The following LRRTM3 variants were observed in gnomAD, a reference collection of about 807,000 sequenced individuals.
The protein encoded by LRRTM3 is leucine rich repeat transmembrane neuronal 3.
A neutral mutation model predicts 44.7 loss-of-function variants in LRRTM3; 24 were observed. The ratio of observed to expected loss-of-function variants is 0.54; its 90% confidence interval spans 0.39 to 0.76. The LOEUF (loss-of-function observed/expected upper bound fraction) is 0.76. Among genes scored for constraint, LRRTM3 ranks in the 30% least tolerant of loss-of-function variants. The pLI is 0.00. For missense variants in LRRTM3, 587 were observed against 702.2 expected, an observed-to-expected ratio of 0.84 and a Z score of 1.85; for synonymous variants, 277 against 278.7, an observed-to-expected ratio of 0.99 and a Z score of 0.06.
chr10:67,067,801 G>T (rs934995307), intron 2 of LRRTM3, among the ~76,000 whole-genome samples: 2 of 152,124 alleles, frequency 1.3e-5, no homozygotes, highest in African/African-American at 4.8e-5. Context: ...CTATGTGCTG[G>T]ATACAACAGG....
chr10:67,056,017 T>G (rs74141778), intron 2 of LRRTM3, among the ~76,000 whole-genome samples: 1,616 of 152,226 alleles, frequency 0.011, 36 homozygotes, highest in African/African-American at 0.037. Context: ...TTTTGCCACA[T>G]GTAATATATG....
chr10:66,939,157 A>G (rs1847872162), intron 2 of LRRTM3, among the ~76,000 whole-genome samples: 1 of 152,176 alleles, frequency 6.6e-6, no homozygotes, highest in South Asian at 2.1e-4. Context: ...GAAGCTGACA[A>G]GTAGTAATGC....
At position 66,928,092 on chromosome 10, in the gene LRRTM3, A is replaced by AC; in HGVS notation, c.1181dup (p.Leu395PhefsTer17). 6.2e-7 allele frequency: 1 copy of AC among 1,613,992 alleles called. No homozygotes were observed. ...TCCCCAGGCCGAAGCATGAGAGCAAACCCCCTTTGCCCCCGACGGTGGGAG... is the reference window on the plus strand; with the variant it reads ...TCCCCAGGCCGAAGCATGAGAGCAAACCCCCCTTTGCCCCCGACGGTGGGAG... On this transcript the variant is annotated frameshift_variant, in exon 2 of 3. Coordinates refer to ENST00000361320, the MANE Select transcript of LRRTM3 (RefSeq NM_178011.5). LOFTEE classifies it high-confidence loss of function.
intron 2 of LRRTM3, among the ~76,000 whole-genome samples, chr10:67,066,688 CA>C (rs1432648431): frequency 6.6e-6 from 1 of 152,100 alleles, no homozygotes; most frequent in Non-Finnish European, 1.5e-5. Context: ...AATTGTTAAA[CA>C]AATATTATCC....
rs1858232459 is a variant in LRRTM3 at position 67,099,786 on chromosome 10, G to C, written c.*1990G>C. 6.6e-6 allele frequency: 1 copy of C among 151,832 alleles called. No individual in the cohort carries two copies. Among genetic ancestry groups the C allele is most frequent in the Non-Finnish European group, 1.5e-5 (1 of 67,694 alleles). The allele number at this position is 151,832 out of a possible 1,614,324, so 9.4% of individuals were successfully genotyped here. On this transcript the variant is annotated 3_prime_UTR_variant, in exon 3 of 3. Coordinates refer to ENST00000361320, the MANE Select transcript of LRRTM3 (RefSeq NM_178011.5). The stretch of plus-strand genomic sequence containing the variant: ...AATTATTTGCTCTTCAAAAATTTTT[G>C]TCATTTTAAATCTAATTTTAATCTT...
chr10:67,071,851 A>G (rs1856486776), intron 2 of LRRTM3, among the ~76,000 whole-genome samples: 1 of 152,146 alleles, frequency 6.6e-6, no homozygotes, highest in Non-Finnish European at 1.5e-5. Context: ...AACTTGTATT[A>G]TACTGTGCCC....
chr10:66,955,060 TATC>T (rs1317900524), intron 2 of LRRTM3, among the ~76,000 whole-genome samples: 1 of 152,194 alleles, frequency 6.6e-6, no homozygotes, highest in Non-Finnish European at 1.5e-5. Flanking sequence ...CCAAATTTCT[TATC>T]ATATAATACA....
intron 2 of LRRTM3, among the ~76,000 whole-genome samples, chr10:67,057,031 A>T (rs139151611): frequency 6.6e-6 from 1 of 152,318 alleles, no homozygotes; most frequent in Non-Finnish European, 1.5e-5. Flanking sequence ...TAAGCACTAC[A>T]TCAGCAATTC....
intron 2 of LRRTM3, among the ~76,000 whole-genome samples, chr10:66,972,617 T>G (rs935506019): frequency 3.3e-5 from 5 of 152,060 alleles, no homozygotes; most frequent in African/African-American, 1.2e-4. Flanking sequence ...ATAAAGTGCT[T>G]TTTCTAAGTA....
At chr10:67,038,009 C>T (rs1854170974) in intron 2 of LRRTM3, among the ~76,000 whole-genome samples, 1 of 151,944 alleles carries the variant, frequency 6.6e-6, no homozygotes, top group Non-Finnish European at 1.5e-5. Context: ...TCATGTAAGC[C>T]ATAGGAGACG....
At chr10:66,992,518 G>A (rs987395070) in intron 2 of LRRTM3, among the ~76,000 whole-genome samples, 1 of 150,742 alleles carries the variant, frequency 6.6e-6, no homozygotes, top group East Asian at 2.0e-4. Flanking sequence ...TGTTCTTCCA[G>A]TTTGTGGCTT....
intron 2 of LRRTM3, among the ~76,000 whole-genome samples, chr10:67,028,645 A>G (rs965845266): frequency 2.0e-5 from 1 of 50,390 alleles, no homozygotes; most frequent in Admixed American, 3.4e-4. Context: ...AGCTAGTTCT[A>G]CTTAAAAAAA....
At chr10:67,032,355 T>C (rs942239073) in intron 2 of LRRTM3, among the ~76,000 whole-genome samples, 1 of 152,150 alleles carries the variant, frequency 6.6e-6, no homozygotes, top group Admixed American at 6.5e-5. Context: ...TCAAGTAAAG[T>C]AAATTTGCCT....
intron 2 of LRRTM3, among the ~76,000 whole-genome samples, chr10:66,969,059 A>G (rs1226131831): frequency 6.6e-6 from 1 of 151,990 alleles, no homozygotes; most frequent in Non-Finnish European, 1.5e-5. Context: ...GTAAATATAT[A>G]TATTTACTTT....
At chr10:67,015,543 T>TA (rs1446035404) in intron 2 of LRRTM3, 1 of 152,184 alleles carries the variant, frequency 6.6e-6, no homozygotes, top group Admixed American at 6.5e-5. Flanking sequence ...TTATTCTCCT[T>TA]ACATGTAGCT....
At chr10:67,043,902 A>C (rs1299102625) in intron 2 of LRRTM3, among the ~76,000 whole-genome samples, 1 of 151,226 alleles carries the variant, frequency 6.6e-6, no homozygotes, top group East Asian at 2.0e-4. Flanking sequence ...CAATTGGAGA[A>C]TTTTAATGCA....
At chr10:67,052,881 T>C (rs1425914546) in intron 2 of LRRTM3, among the ~76,000 whole-genome samples, 1 of 152,226 alleles carries the variant, frequency 6.6e-6, no homozygotes, top group Non-Finnish European at 1.5e-5. Flanking sequence ...GTAAGTTTCG[T>C]AAATTCTAAA....
chr10:66,926,188 G>T lies in LRRTM3; in HGVS notation c.-396G>T, dbSNP rs188789794. 1.3e-5 allele frequency: 6 copies of T among 457,354 alleles called. No individual in the cohort carries two copies. The Admixed American group carries it at 1.5e-4, about 11-fold the overall frequency. 28.3% of individuals were successfully genotyped at this position (457,354 alleles called of 1,614,324 possible). On this transcript the variant is annotated 5_prime_UTR_variant, in exon 1 of 3. Transcript: ENST00000361320. ...CTGCTGGGGTATGGAATACAGATGT[G>T]GCAGCTCAGGTAGCCCCAAATTGCC...
Position 66,926,533 on chromosome 10 carries a change from C to G in LRRTM3, c.-51C>G, listed in dbSNP as rs373835317. On this transcript the variant is annotated 5_prime_UTR_variant, in exon 1 of 3. Coordinates refer to ENST00000361320, the MANE Select transcript of LRRTM3 (RefSeq NM_178011.5). ...CTGACAGGGGCTGTCATGCAACTGG[C>G]CCCTAAGCCAAAGCAAAAGACCTAA... 6 of 1,610,538 alleles carry G rather than the reference C, an allele frequency of 3.7e-6. No homozygotes were observed. In the African/African-American group the frequency reaches 8.0e-5, roughly 22 times the overall value.
Sources: allele counts gnomAD v4.1 joint callset (sites outside exome capture counted in the v4.1 genomes callset), GRCh38; gene constraint gnomAD v4.1.1; transcripts MANE v1.5; gene names NCBI Gene and HGNC (gene_info 2026-07-23, HGNC 2026-07-21).